The following PCDHGA2 variants were observed in gnomAD, a reference collection of about 807,000 sequenced individuals.
The protein encoded by PCDHGA2 is protocadherin gamma-A2.
PCDHGA2 carries 40 observed loss-of-function variants against 59.2 expected under a neutral mutation model. That is an observed-to-expected ratio of 0.68 (90% CI 0.52 to 0.88). The LOEUF is 0.88. PCDHGA2 is among the 40% of genes least tolerant of loss of function. The pLI, the probability that PCDHGA2 is intolerant of heterozygous loss-of-function variation, is 0.00. For synonymous variants in PCDHGA2, 560 were observed against 526.0 expected, an observed-to-expected ratio of 1.06 and a Z score of -0.89; for missense variants, 1,226 against 1,204.0, an observed-to-expected ratio of 1.02 and a Z score of -0.27.
At chr5:141,356,615 T>C (rs1760275066) in intron 1 of PCDHGA2, 1 of 1,614,194 alleles carries the variant, frequency 6.2e-7, no homozygotes, top group African/African-American at 1.3e-5. Flanking sequence ...GCCTCCATCT[T>C]ATCTATGACT....
chr5:141,383,826 T>G, intron 1 of PCDHGA2: 1 of 1,613,966 alleles, frequency 6.2e-7, no homozygotes, highest in Non-Finnish European at 8.5e-7. Flanking sequence ...GATTAGATTA[T>G]GAAGAAACTG....
chr5:141,492,458 G>A (rs1333043781), intron 1 of PCDHGA2, among the ~76,000 whole-genome samples: 1 of 152,230 alleles, frequency 6.6e-6, no homozygotes, highest in Non-Finnish European at 1.5e-5. Flanking sequence ...GTGCGCGCCT[G>A]AGGGTCCCAG....
chr5:141,418,433 C>A (rs761824602), intron 1 of PCDHGA2: 6 of 1,613,820 alleles, frequency 3.7e-6, no homozygotes, highest in South Asian at 3.3e-5. Flanking sequence ...TGGCAAATAT[C>A]CAGAATTAGT....
intron 1 of PCDHGA2, chr5:141,393,578 G>T: frequency 6.2e-7 from 1 of 1,613,930 alleles, no homozygotes; most frequent in Non-Finnish European, 8.5e-7. Context: ...TTGAGAACAT[G>T]CCCCCAGGCA....
Position 141,493,477 on chromosome 5 carries a change from G to A in PCDHGA2, c.2425-1330G>A, listed in dbSNP as rs1657824440. On this transcript the variant is annotated intron_variant, in intron 1 of 3. Transcript: ENST00000394576. This position sits in a 1 kb window ranked among gnomAD's most constrained non-coding sequence, Gnocchi z 4.3. ...TTCCCTTTTAGGACCTTACATGTGG[G>A]GAAAGTCTTCTGTGGCTCCTCATTT... is the stretch of plus-strand genomic sequence containing the variant. Among the ~76,000 whole-genome samples, 3 of 152,124 alleles carry A rather than the reference G, an allele frequency of 2.0e-5. No individual in the cohort carries two copies. The highest frequency in any genetic ancestry group is 6.5e-5 in the Admixed American group (1 of 15,272).
intron 1 of PCDHGA2, chr5:141,418,453 G>T (rs2096259626): frequency 1.2e-6 from 2 of 1,614,060 alleles, no homozygotes; most frequent in East Asian, 4.5e-5. Flanking sequence ...TATTGCAGAA[G>T]ACTCTGGACC....
At chr5:141,494,215 G>T (rs984086536) in intron 1 of PCDHGA2, among the ~76,000 whole-genome samples, 2 of 152,200 alleles carry the variant, frequency 1.3e-5, no homozygotes, top group Non-Finnish European at 2.9e-5. Context: ...GCCCAATCTG[G>T]CATGACTCCT....
At chr5:141,478,755 A>G in intron 1 of PCDHGA2, 1 of 1,519,784 alleles carries the variant, frequency 6.6e-7, no homozygotes, top group South Asian at 1.3e-5. Flanking sequence ...TTCAGGGGGA[A>G]GATACTTGAC....
Position 141,383,201 on chromosome 5 carries a change from G to A in PCDHGA2, c.2424+41806G>A, listed in dbSNP as rs368180461. ...GAAGAGATCTGCGCTCAGAGTGCGCGGTGTCTGGTAAACTTTAACATCCTG... is the reference window on the plus strand; with the variant it reads ...GAAGAGATCTGCGCTCAGAGTGCGCAGTGTCTGGTAAACTTTAACATCCTG... On this transcript the variant is annotated intron_variant, in intron 1 of 3. Coordinates refer to ENST00000394576, the MANE Select transcript of PCDHGA2 (RefSeq NM_018915.4). 4.3e-6 allele frequency: 7 copies of A among 1,613,882 alleles called. No individual in the cohort carries two copies. In the African/African-American group the frequency reaches 9.3e-5, roughly 22 times the overall value.
intron 1 of PCDHGA2, among the ~76,000 whole-genome samples, chr5:141,397,293 A>T (rs1449132000): frequency 6.6e-6 from 1 of 152,220 alleles, no homozygotes; most frequent in African/African-American, 2.4e-5. Flanking sequence ...ACTTGAATGA[A>T]TATTTCCTGA....
At chr5:141,361,247 CGAGAGACAGAGACTCTG>C in intron 1 of PCDHGA2, 4 of 1,613,946 alleles carry the variant, frequency 2.5e-6, no homozygotes, top group Non-Finnish European at 3.4e-6. Context: ...TTGATAAAAA[CGAGAGACAGAGACTCTG>C]GAGAAAATGG....
chr5:141,357,393 G>A lies in PCDHGA2; in HGVS notation c.2424+15998G>A, dbSNP rs759583141. On this transcript the variant is annotated intron_variant, in intron 1 of 3. Coordinates refer to ENST00000394576, the MANE Select transcript of PCDHGA2 (RefSeq NM_018915.4). Reference sequence around the variant, plus strand: ...GCCTGCTTCACGCTGAAGGCAGCAGGTTGGCAGGTGTGCCTGCCTCGCACT... The same window carrying A: ...GCCTGCTTCACGCTGAAGGCAGCAGATTGGCAGGTGTGCCTGCCTCGCACT... The A allele has an allele frequency of 6.2e-6, 10 of 1,614,130 alleles. No homozygotes were observed. The African/African-American group carries it at 1.3e-4, about 22-fold the overall frequency.
intron 1 of PCDHGA2, chr5:141,360,675 C>T: frequency 5.0e-6 from 8 of 1,613,980 alleles, no homozygotes; most frequent in Non-Finnish European, 6.8e-6. Flanking sequence ...ACTTTGATCT[C>T]GCTGAGAAAC....
intron 1 of PCDHGA2, among the ~76,000 whole-genome samples, chr5:141,464,203 T>G (rs2099077714): frequency 6.6e-6 from 1 of 150,780 alleles, no homozygotes; most frequent in South Asian, 2.1e-4. Flanking sequence ...AGGCGGAGAT[T>G]GCAGTGAGCT....
chr5:141,476,554 G>A lies in PCDHGA2; in HGVS notation c.2425-18253G>A. On this transcript the variant is annotated intron_variant, in intron 1 of 3. Transcript: ENST00000394576. This position sits in a 1 kb window ranked among gnomAD's most constrained non-coding sequence, Gnocchi z 7.6. The stretch of plus-strand genomic sequence containing the variant: ...AGGAAATGAAATTGGAGATTAGCGA[G>A]GCCGTGGCTCCGGGGACGCGCTTTC... 1 of 1,614,232 alleles carries A rather than the reference G, an allele frequency of 6.2e-7. No individual in the cohort carries two copies. Among genetic ancestry groups the A allele is most frequent in the Non-Finnish European group, 8.5e-7 (1 of 1,180,036 alleles).
rs199965876 is a variant in PCDHGA2, at chr5:141,419,464, C to G, written c.2425-75343C>G. ...CCTTCGAGCTCACGCTGCAGGCCCG[C>G]GACCAGGGCTCGCCCGCGCTCAGCG... On this transcript the variant is annotated intron_variant, in intron 1 of 3. Transcript: ENST00000394576. 4 of 1,612,542 alleles carry G rather than the reference C, an allele frequency of 2.5e-6. No homozygotes were observed. In the Admixed American group the frequency reaches 6.7e-5, roughly 27 times the overall value.
intron 1 of PCDHGA2, among the ~76,000 whole-genome samples, chr5:141,397,814 C>G (rs1325713795): frequency 6.6e-6 from 1 of 152,200 alleles, no homozygotes; most frequent in Non-Finnish European, 1.5e-5. Flanking sequence ...CACACAAAAA[C>G]AATTACTGCA....
intron 1 of PCDHGA2, chr5:141,372,307 C>A: frequency 6.2e-7 from 1 of 1,613,452 alleles, no homozygotes; most frequent in Non-Finnish European, 8.5e-7. Flanking sequence ...AGGGAGGCCG[C>A]CCGCCAGCGC....
chr5:141,372,992 T>C (rs1414132477), intron 1 of PCDHGA2, among the ~76,000 whole-genome samples: 1 of 152,240 alleles, frequency 6.6e-6, no homozygotes, highest in Non-Finnish European at 1.5e-5. Flanking sequence ...GTTGCAGTTG[T>C]TCTTTCATAG....
Sources: gnomAD v4.1 joint callset for allele counts (sites outside exome capture counted in the v4.1 genomes callset) on GRCh38, gnomAD v4.1.1 for gene constraint, Gnocchi (gnomAD v3.1) non-coding constraint, MANE v1.5 for transcripts, NCBI Gene and HGNC (gene_info 2026-07-23, HGNC 2026-07-21) for gene names.